NKD2: variants seen among roughly 807,000 people sequenced by gnomAD.
NKD2 encodes protein naked cuticle homolog 2.
A neutral mutation model predicts 34.8 loss-of-function variants in NKD2; 43 were observed. The ratio of observed to expected loss-of-function variants is 1.24; its 90% CI spans 0.97 to 1.60. The LOEUF is 1.60. Among genes scored for constraint, NKD2 ranks in the 40% most tolerant of loss-of-function variants. The pLI is 0.00. For synonymous variants in NKD2, 278 were observed against 265.1 expected (o/e 1.05, Z -0.47); for missense variants, 675 against 627.1 (o/e 1.08, Z -0.82).
In NKD2 at chr5:1,009,352, C is replaced by A; in HGVS notation, c.62-129C>A. On this transcript the variant is annotated intron_variant, in intron 2 of 9. Transcript: ENST00000296849. This position sits in a 1 kb window ranked among gnomAD's most constrained non-coding sequence, Gnocchi z 6.9. ...GCGGGTCTCCAGGAGCGCGCGGGACCCCCACGCCTGCCCCTGCGCGGTCTC... is the reference window on the plus strand; with the variant it reads ...GCGGGTCTCCAGGAGCGCGCGGGACACCCACGCCTGCCCCTGCGCGGTCTC... 1 of 663,048 alleles carries A rather than the reference C, an allele frequency of 1.5e-6. No individual in the cohort carries two copies. The highest frequency in any genetic ancestry group is 2.4e-6 in the Non-Finnish European group (1 of 424,808). The allele number at this position is 663,048 out of a possible 1,614,324, so 41.1% of individuals were successfully genotyped here.
intron 8 of NKD2, 98 bp downstream of exon 8, chr5:1,035,571 A>G: frequency 1.0e-6 from 1 of 954,020 alleles, no homozygotes; most frequent in Non-Finnish European, 1.6e-6. Context: ...GCCACACACC[A>G]TCCTCTAGGT....
chr5:1,010,643 C>T (rs943129724), intron 3 of NKD2, among the ~76,000 whole-genome samples: 4 of 152,158 alleles, frequency 2.6e-5, no homozygotes, highest in Non-Finnish European at 5.9e-5. Flanking sequence ...AGCCTCTATC[C>T]GGGACAGGGA....
chr5:1,013,900 C>CA (rs1168245741), intron 3 of NKD2, among the ~76,000 whole-genome samples: 1 of 152,184 alleles, frequency 6.6e-6, no homozygotes, highest in African/African-American at 2.4e-5. Flanking sequence ...AGAAGCCCTG[C>CA]ACATGGACCA....
intron 6 of NKD2, 54 bp from the exon 7 acceptor site, chr5:1,034,702 C>A: frequency 6.4e-7 from 1 of 1,550,568 alleles, no homozygotes. Flanking sequence ...GCAGGGAGGG[C>A]GGGTGGTGTC....
At chr5:1,027,322 G>T (rs1756459249) in intron 3 of NKD2, among the ~76,000 whole-genome samples, 1 of 152,258 alleles carries the variant, frequency 6.6e-6, no homozygotes, top group Non-Finnish European at 1.5e-5. Context: ...AAAGCTGTAG[G>T]AGAGGCCCGT....
Position 1,035,775 on chromosome 5 carries a change from G to C in NKD2, c.659+302G>C, listed in dbSNP as rs576364498. The C allele has an allele frequency of 7.4e-5, 34 of 460,946 alleles. No homozygotes were observed. In the East Asian group the frequency reaches 1.2e-3, roughly 17 times the overall value. 28.6% of individuals were successfully genotyped at this position (460,946 alleles called of 1,614,324 possible). On this transcript the variant is annotated intron_variant, in intron 8 of 9. Coordinates refer to ENST00000296849, the MANE Select transcript of NKD2 (RefSeq NM_033120.4). Reference sequence around the variant, plus strand: ...TGGCTCCCTGTGGCTCCACTCAGCAGCTTTGGGGGCAACAGGGCTGGGGGT... The same window carrying C: ...TGGCTCCCTGTGGCTCCACTCAGCACCTTTGGGGGCAACAGGGCTGGGGGT...
At position 1,028,237 on chromosome 5, in the gene NKD2, G is replaced by A. The variant is rs558794232; in HGVS notation, c.142-3915G>A. Among the ~76,000 whole-genome samples, 369 of 152,252 alleles carry A rather than the reference G, an allele frequency of 2.4e-3. 1 individual carries two copies. The highest frequency in any genetic ancestry group is 4.0e-3 in the Non-Finnish European group (275 of 68,002). On this transcript the variant is annotated intron_variant, in intron 3 of 9. Transcript: ENST00000296849. Reference sequence around the variant, plus strand: ...GGCGGGGACGTGGACGGTGGCCTCGGGGTGGTTGGCTCACAGACCAGGGTG... The same window carrying A: ...GGCGGGGACGTGGACGGTGGCCTCGAGGTGGTTGGCTCACAGACCAGGGTG...
intron 9 of NKD2, chr5:1,037,435 T>C (rs376614682): frequency 1.8e-5 from 22 of 1,243,690 alleles, no homozygotes; most frequent in African/African-American, 1.6e-4. Flanking sequence ...CTCAAATCTA[T>C]TTTGTAATGA....
intron 3 of NKD2, among the ~76,000 whole-genome samples, chr5:1,022,265 C>G (rs1382887510): frequency 7.6e-6 from 1 of 131,766 alleles, no homozygotes; most frequent in Non-Finnish European, 1.7e-5. Flanking sequence ...GTGGGCGTCT[C>G]AGCCCATTGT....
chr5:1,038,067 G>T lies in NKD2; in HGVS notation c.1050G>T (p.Gly350=). The part of the protein sequence containing the change: ...PPGVPASSKS[G]KAFSYYLPAV... Reference sequence around the variant, plus strand: ...GGGTGCCAGCCAGCAGCAAGTCCGGGAAAGCCTTCAGCTACTACCTGCCGG... The same window carrying T: ...GGGTGCCAGCCAGCAGCAAGTCCGGTAAAGCCTTCAGCTACTACCTGCCGG... The change falls in exon 10 of 10, where the codon GGG becomes GGT. Residue 350 remains glycine, a synonymous_variant. Transcript: ENST00000296849. The surrounding 1 kb of genome is among the most constrained non-coding windows in gnomAD (Gnocchi z 4.5). 1 of 1,609,234 alleles carries T rather than the reference G, an allele frequency of 6.2e-7. No homozygotes were observed. Among genetic ancestry groups the T allele is most frequent in the East Asian group, 2.2e-5 (1 of 44,822 alleles).
chr5:1,037,775 A>G (rs1194413441), intron 9 of NKD2, 30 bp from the exon 10 acceptor site: 6 of 1,562,922 alleles, frequency 3.8e-6, no homozygotes, highest in Non-Finnish European at 5.2e-6. Flanking sequence ...CTGCACTCCC[A>G]GGGCCTCACA....
At position 1,038,081 on chromosome 5, in the gene NKD2, ACT is replaced by A. The variant is rs750716694; in HGVS notation, c.1065_1066del (p.Tyr355Ter). On this transcript the variant is annotated stop_gained and frameshift_variant, in exon 10 of 10. Coordinates refer to ENST00000296849, the MANE Select transcript of NKD2 (RefSeq NM_033120.4). LOFTEE classifies it low-confidence loss of function (END_TRUNC). The surrounding 1 kb of genome is among the most constrained non-coding windows in gnomAD (Gnocchi z 4.5). ...AGCAAGTCCGGGAAAGCCTTCAGCT[ACT>A]ACCTGCCGGCCGTCCTGCCGCCCCA... 10 of 1,607,472 alleles carry A rather than the reference ACT, an allele frequency of 6.2e-6. No homozygotes were observed. In the South Asian group the frequency reaches 1.1e-4, roughly 18 times the overall value.
chr5:1,025,778 A>C (rs1756364903), intron 3 of NKD2, among the ~76,000 whole-genome samples: 1 of 89,968 alleles, frequency 1.1e-5, no homozygotes. Flanking sequence ...TGCTCTTCCC[A>C]CCCTCTGTGG....
Position 1,037,820 on chromosome 5 carries a change from A to T in NKD2, c.803A>T (p.Gln268Leu). The change falls in exon 10 of 10, where the codon CAA (glutamine) becomes CTA (leucine). Residue 268 changes from glutamine (Q) to leucine (L), a missense_variant. Transcript: ENST00000296849. Reference protein sequence around the residue: ...SRFGPGSPPVQAKQEPQGRAS... With the variant: ...SRFGPGSPPVLAKQEPQGRAS... ...GTGTCCGCAGGGTCCCCTCCTGTGCAAGCAAAGCAGGAGCCCCAGGGCAGG... is the reference window on the plus strand; with the variant it reads ...GTGTCCGCAGGGTCCCCTCCTGTGCTAGCAAAGCAGGAGCCCCAGGGCAGG... 6.3e-7 allele frequency: 1 copy of T among 1,577,238 alleles called. No homozygotes were observed. The highest frequency in any genetic ancestry group is 8.6e-7 in the Non-Finnish European group (1 of 1,165,438).
At chr5:1,019,572 G>C (rs992856368) in intron 3 of NKD2, among the ~76,000 whole-genome samples, 4 of 152,210 alleles carry the variant, frequency 2.6e-5, no homozygotes, top group African/African-American at 9.7e-5. Flanking sequence ...GTCGCGTGCA[G>C]GGCATGCGAC....
intron 3 of NKD2, among the ~76,000 whole-genome samples, chr5:1,017,785 G>A (rs1358357518): frequency 1.3e-5 from 2 of 152,174 alleles, no homozygotes; most frequent in African/African-American, 2.4e-5. Context: ...TGGGGTGCGG[G>A]TGAGGCCGGG....
At chr5:1,017,538 G>A (rs1756007797) in intron 3 of NKD2, among the ~76,000 whole-genome samples, 1 of 152,246 alleles carries the variant, frequency 6.6e-6, no homozygotes, top group Non-Finnish European at 1.5e-5. Flanking sequence ...CTGCTGGACA[G>A]AGCAGGACCT....
rs746609085 is a variant in NKD2 at position 1,034,745 on chromosome 5, C to T, written c.427-11C>T. ...GTCTGCTCTGTCAGTGAAACTGATG[C>T]CGGGCCCCAGGACATGTCCAGCCTC... On this transcript the variant is annotated splice_polypyrimidine_tract_variant and intron_variant, in intron 6 of 9. Transcript: ENST00000296849. 154 of 1,604,634 alleles carry T rather than the reference C, an allele frequency of 9.6e-5. No individual in the cohort carries two copies. The South Asian group carries it at 1.6e-3, about 17-fold the overall frequency.
rs1017128875 is a variant in NKD2, at chr5:1,009,449, G to C, written c.62-32G>C. 36 of 1,485,308 alleles carry C rather than the reference G, an allele frequency of 2.4e-5. No individual in the cohort carries two copies. The highest frequency in any genetic ancestry group is 3.1e-5 in the Non-Finnish European group (35 of 1,122,404). 92.0% of individuals were successfully genotyped at this position (1,485,308 alleles called of 1,614,324 possible). A position where few individuals can be genotyped will look rare whatever the true frequency, so the allele number is the denominator to read the frequency against. On this transcript the variant is annotated intron_variant, in intron 2 of 9. Coordinates refer to ENST00000296849, the MANE Select transcript of NKD2 (RefSeq NM_033120.4). The surrounding 1 kb of genome is among the most constrained non-coding windows in gnomAD (Gnocchi z 6.9). ...GCGCGTCTCTTTCCCTCCTCGGTGC[G>C]GGTTTCCCGCGCGTCCGCCCCCGGA...
Sources: allele counts gnomAD v4.1 joint callset (sites outside exome capture counted in the v4.1 genomes callset), GRCh38; gene constraint gnomAD v4.1.1; non-coding constraint Gnocchi (gnomAD v3.1); transcripts MANE v1.5; gene names NCBI Gene and HGNC (gene_info 2026-07-23, HGNC 2026-07-21).